Variants in SH3TC2 observed in about 807,000 individuals in gnomAD.
The protein encoded by SH3TC2 is SH3 domain and tetratricopeptide repeat-containing protein 2.
A neutral mutation model predicts 124.5 loss-of-function variants in SH3TC2; 87 were observed. The ratio of observed to expected loss-of-function variants is 0.70; its 90% CI spans 0.59 to 0.84. The LOEUF (loss-of-function observed/expected upper bound fraction) is 0.84, where lower values mean the gene tolerates loss of function less well. Ranked by LOEUF, SH3TC2 falls within the 40% of genes least tolerant of loss-of-function variation. The pLI is 0.00. For missense variants in SH3TC2, 1,536 were observed against 1,566.4 expected, an observed-to-expected ratio of 0.98 and a Z score of 0.33; for synonymous variants, 634 against 628.5, an observed-to-expected ratio of 1.01 and a Z score of -0.13.
chr5:149,003,801 T>G lies in SH3TC2; in HGVS notation c.*910A>C. On this transcript the variant is annotated 3_prime_UTR_variant, in exon 17 of 17. Coordinates refer to ENST00000515425, the MANE Select transcript of SH3TC2 (RefSeq NM_024577.4). Reference sequence around the variant, plus strand: ...CGGAGTCTGAGGTCGCAGGAAGCCCTGACTGTACCACTGAACTCCAGCCTG... The same window carrying G: ...CGGAGTCTGAGGTCGCAGGAAGCCCGGACTGTACCACTGAACTCCAGCCTG... 2 of 428,228 alleles carry G rather than the reference T, an allele frequency of 4.7e-6. No homozygotes were observed. Among genetic ancestry groups the G allele is most frequent in the East Asian group, 7.5e-5 (1 of 13,304 alleles). 26.5% of individuals were successfully genotyped at this position (428,228 alleles called of 1,614,324 possible).
At chr5:149,038,051 T>C (rs763301053) in intron 8 of SH3TC2, among the ~76,000 whole-genome samples, 4 of 152,188 alleles carry the variant, frequency 2.6e-5, no homozygotes, top group Non-Finnish European at 5.9e-5. Flanking sequence ...ATGCCCTTTG[T>C]CTTGGAGTTT....
At position 149,002,513 on chromosome 5, in the gene SH3TC2, T is replaced by C. The variant is rs1440006328; in HGVS notation, c.*2198A>G. ...GCCTTTTGACAACCAACCACATCTC[T>C]AAGAGAAAATGTGTGCCAATTAGTA... is the stretch of plus-strand genomic sequence containing the variant. On this transcript the variant is annotated 3_prime_UTR_variant, in exon 17 of 17. Coordinates refer to ENST00000515425, the MANE Select transcript of SH3TC2 (RefSeq NM_024577.4). The C allele has an allele frequency of 6.6e-6, 1 of 152,268 alleles. No homozygotes were observed. Among genetic ancestry groups the C allele is most frequent in the African/African-American group, 2.4e-5 (1 of 41,442 alleles). 9.4% of individuals were successfully genotyped at this position (152,268 alleles called of 1,614,324 possible).
Position 149,027,410 on chromosome 5 carries a change from G to A in SH3TC2, c.2322C>T (p.Asp774=), listed in dbSNP as rs17795193. ...CCTGGCTCAGGTAGTGGATGGCACC[G>A]TCAGGAGACCTGTGCTCGAGGTACA... ...SKVYLEHRSP[D]GAIHYLSQAL... is the part of the protein sequence containing the mutation. The change falls in exon 11 of 17, where the codon GAC becomes GAT. Residue 774 remains aspartate (D), a synonymous_variant. Transcript: ENST00000515425. The A allele has an allele frequency of 1.5e-3, 2,471 of 1,614,114 alleles. 55 individuals are homozygous for A. In the East Asian group the frequency reaches 0.041, roughly 27 times the overall value.
rs1306607992 is a variant in SH3TC2 at position 149,012,646 on chromosome 5, G to A, written c.3142C>T (p.Leu1048Phe). Residue 1048 changes from leucine to phenylalanine, a missense_variant, in exon 13 of 17, where the codon CTT becomes TTT. Leu to Phe is a conservative substitution (Grantham distance 22, BLOSUM62 0). Coordinates refer to ENST00000515425, the MANE Select transcript of SH3TC2 (RefSeq NM_024577.4). The stretch of plus-strand genomic sequence containing the variant: ...AGGTAGTGGAGTCGCCCCGCCCCAA[G>A]CCAGGCCTCAGCAGCCTTGTCTGTC... ...GETDKAAEAWLGAGRLHYLMQ... is the reference protein window; with the variant it reads ...GETDKAAEAWFGAGRLHYLMQ... The A allele has an allele frequency of 1.2e-6, 2 of 1,614,164 alleles. No homozygotes were observed. Among genetic ancestry groups the A allele is most frequent in the Admixed American group, 3.3e-5 (2 of 60,026 alleles).
At chr5:149,044,292 TA>T (rs1210849355) in intron 4 of SH3TC2, 7 of 456,590 alleles carry the variant, frequency 1.5e-5, no homozygotes, top group East Asian at 8.7e-5. Context: ...GGTTATCTAA[TA>T]AAAAAAGATC....
At chr5:149,059,295 T>A (rs42364) in intron 1 of SH3TC2, among the ~76,000 whole-genome samples, 37,921 of 151,906 alleles carry the variant, frequency 0.25, 5,410 homozygotes, top group African/African-American at 0.37. Context: ...TGCCATTTTC[T>A]CTACATTAAC....
At position 149,026,681 on chromosome 5, in the gene SH3TC2, T is replaced by C. The variant is rs757999844; in HGVS notation, c.2944A>G (p.Thr982Ala). The C allele has an allele frequency of 1.2e-6, 2 of 1,614,082 alleles. No individual in the cohort carries two copies. Among genetic ancestry groups the C allele is most frequent in the South Asian group, 2.2e-5 (2 of 91,076 alleles). The change falls in exon 12 of 17, where the codon ACC (threonine) becomes GCC (alanine). Residue 982 changes from threonine to alanine, a missense_variant. Physicochemically the swap from Thr to Ala is moderately conservative, Grantham distance 58. Coordinates refer to ENST00000515425, the MANE Select transcript of SH3TC2 (RefSeq NM_024577.4). ...SVSPNPEACI[T>A]YHEHWLALAQ... ...AGGGCCAGCCAGTGCTCATGGTAGG[T>C]GATGCATGCCTCAGGGTTTGGGGAC...
chr5:149,004,740 A>T lies in SH3TC2; in HGVS notation c.3838T>A (p.Trp1280Arg), dbSNP rs760757389. ...PSGCSSERARWLSGGGLAL is the reference protein window; with the variant it reads ...PSGCSSERARRLSGGGLAL ...AGGGCCAGGCCACCACCACTCAGCC[A>T]CCGCGCCCTCTCTGAGGAGCACCCG... The change falls in exon 17 of 17, where the codon TGG becomes AGG. Residue 1280 changes from tryptophan to arginine, a missense_variant. Trp to Arg is a moderately radical substitution (Grantham distance 101). Coordinates refer to ENST00000515425, the MANE Select transcript of SH3TC2 (RefSeq NM_024577.4). The T allele has an allele frequency of 6.2e-7, 1 of 1,613,694 alleles. No homozygotes were observed. The highest frequency in any genetic ancestry group is 8.5e-7 in the Non-Finnish European group (1 of 1,179,982).
chr5:149,042,941 C>A, intron 4 of SH3TC2, 104 bp from the exon 5 acceptor site: 2 of 1,357,142 alleles, frequency 1.5e-6, no homozygotes, highest in Non-Finnish European at 2.1e-6. Flanking sequence ...TCCCAGACCA[C>A]AAGCCCCAAC....
intron 1 of SH3TC2, among the ~76,000 whole-genome samples, chr5:149,057,045 A>T (rs1754660634): frequency 6.6e-6 from 1 of 152,206 alleles, no homozygotes; most frequent in Non-Finnish European, 1.5e-5. Flanking sequence ...TTATAGGCAC[A>T]TTTAAATATT....
At chr5:149,009,779 T>C (rs772769749) in intron 14 of SH3TC2, among the ~76,000 whole-genome samples, 1 of 152,236 alleles carries the variant, frequency 6.6e-6, no homozygotes, top group African/African-American at 2.4e-5. Flanking sequence ...TCCTTCGCAA[T>C]AATATCTGTG....
chr5:149,060,307 A>G lies in SH3TC2; in HGVS notation c.52+2664T>C, dbSNP rs559597404. Among the ~76,000 whole-genome samples the G allele has an allele frequency of 3.3e-5, 5 of 152,296 alleles. No individual in the cohort carries two copies. In the South Asian group the frequency reaches 1.0e-3, roughly 32 times the overall value. Reference sequence around the variant, plus strand: ...ATTAAGCAATGGCAAGAAACAACTCATAGATAGGGTGGGGAAGTCAGAGAT... The same window carrying G: ...ATTAAGCAATGGCAAGAAACAACTCGTAGATAGGGTGGGGAAGTCAGAGAT... On this transcript the variant is annotated intron_variant, in intron 1 of 16. Transcript: ENST00000515425.
chr5:149,010,477 C>T (rs2127392908), intron 13 of SH3TC2, 85 bp from the exon 14 acceptor site: 1 of 1,575,504 alleles, frequency 6.3e-7, no homozygotes, highest in Admixed American at 1.7e-5. Flanking sequence ...ACGCAGACCA[C>T]CTAAATCAAC....
rs539884739 is a variant in SH3TC2, at chr5:148,983,467, T to C, written c.*21244A>G. Among the ~76,000 whole-genome samples the C allele has an allele frequency of 6.6e-6, 1 of 152,182 alleles. No individual in the cohort carries two copies. The highest frequency in any genetic ancestry group is 2.4e-5 in the African/African-American group (1 of 41,444). On this transcript the variant is annotated 3_prime_UTR_variant, in exon 17 of 17. Coordinates refer to ENST00000515425, the MANE Select transcript of SH3TC2 (RefSeq NM_024577.4). ...TAGGAGCATCTTGTTAGATGCATGC[T>C]GAACCCCCGAACTCAGTTTATCCAG...
rs1030097117 is a variant in SH3TC2, at chr5:148,990,656, C to A, written c.*14055G>T. On this transcript the variant is annotated 3_prime_UTR_variant, in exon 17 of 17. Transcript: ENST00000515425. ...AAAATGGGCATGTTAATAATACCACCCTTGAGGTTGTTGTGAACACAGAAA... is the reference window on the plus strand; with the variant it reads ...AAAATGGGCATGTTAATAATACCACACTTGAGGTTGTTGTGAACACAGAAA... 6.6e-6 allele frequency among the ~76,000 whole-genome samples: 1 copy of A among 152,110 alleles called. No individual in the cohort carries two copies. Among genetic ancestry groups the A allele is most frequent in the Non-Finnish European group, 1.5e-5 (1 of 68,022 alleles).
intron 7 of SH3TC2, among the ~76,000 whole-genome samples, chr5:149,038,972 C>T (rs1478958082): frequency 6.6e-6 from 1 of 152,172 alleles, no homozygotes; most frequent in Non-Finnish European, 1.5e-5. Flanking sequence ...TCAGTCTCCC[C>T]AACTGGAAAA....
Position 149,000,711 on chromosome 5 carries a change from T to G in SH3TC2, c.*4000A>C, listed in dbSNP as rs1247047018. The stretch of plus-strand genomic sequence containing the variant: ...CCTGAACAGCAGAAATCCTGTCATT[T>G]GTGCAACTAAGTCCTTGAGTCATGA... On this transcript the variant is annotated 3_prime_UTR_variant, in exon 17 of 17. Transcript: ENST00000515425. Among the ~76,000 whole-genome samples the G allele has an allele frequency of 1.3e-5, 2 of 152,228 alleles. No homozygotes were observed. Among genetic ancestry groups the G allele is most frequent in the Non-Finnish European group, 2.9e-5 (2 of 68,038 alleles).
In SH3TC2 at chr5:148,983,357, A is replaced by T. The variant is rs750903681; in HGVS notation, c.*21354T>A. On this transcript the variant is annotated 3_prime_UTR_variant, in exon 17 of 17. Coordinates refer to ENST00000515425, the MANE Select transcript of SH3TC2 (RefSeq NM_024577.4). ...TACACCTGTGGCCTAAGATATGGTA[A>T]TGGAGGGAACAGACCAGGTTCTGAG... 1.2e-4 allele frequency among the ~76,000 whole-genome samples: 18 copies of T among 152,172 alleles called. No homozygotes were observed. The highest frequency in any genetic ancestry group is 2.5e-4 in the Non-Finnish European group (17 of 68,028).
At chr5:149,045,209 A>G (rs554072636) in intron 3 of SH3TC2, 5 of 152,960 alleles carry the variant, frequency 3.3e-5, no homozygotes, top group East Asian at 3.8e-4. Context: ...AAGTTTCCAT[A>G]TAACTATTTC....
Sources: gnomAD v4.1 joint callset for allele counts (sites outside exome capture counted in the v4.1 genomes callset) on GRCh38, gnomAD v4.1.1 for gene constraint, MANE v1.5 for transcripts, NCBI Gene and HGNC (gene_info 2026-07-23, HGNC 2026-07-21) for gene names.